The following QTMAN variants were observed in gnomAD, a reference collection of about 807,000 sequenced individuals.
QTMAN encodes the protein queuosine-tRNA mannosyltransferase.
chr2:144,195,309 A>G, the QTMAN span, among the ~76,000 whole-genome samples: 1 of 152,148 alleles, frequency 6.6e-6, no homozygotes, highest in Non-Finnish European at 1.5e-5. Context: ...GTATTTTTTA[A>G]TAATTCTAAG....
the QTMAN span, among the ~76,000 whole-genome samples, chr2:144,070,765 G>A: frequency 3.9e-5 from 6 of 152,084 alleles, no homozygotes; most frequent in East Asian, 5.8e-4. Context: ...AAAATTATAC[G>A]TTTCCAGTAT....
chr2:144,184,462 T>A, the QTMAN span, among the ~76,000 whole-genome samples: 1 of 152,106 alleles, frequency 6.6e-6, no homozygotes, highest in East Asian at 1.9e-4. Context: ...AACAAAAAAA[T>A]AAGGAGCTAT....
chr2:143,953,615 G>C, the QTMAN span, among the ~76,000 whole-genome samples: 1 of 151,836 alleles, frequency 6.6e-6, no homozygotes, highest in Non-Finnish European at 1.5e-5. Context: ...GGAAGGTATT[G>C]CATCTTCCTT....
the QTMAN span, among the ~76,000 whole-genome samples, chr2:144,287,451 A>G: frequency 6.6e-6 from 1 of 152,108 alleles, no homozygotes; most frequent in East Asian, 1.9e-4. Flanking sequence ...AAAAAAAAAA[A>G]AAACCTTATA....
the QTMAN span, among the ~76,000 whole-genome samples, chr2:144,136,981 A>G: frequency 6.6e-6 from 1 of 152,074 alleles, no homozygotes; most frequent in Non-Finnish European, 1.5e-5. Context: ...AGAAATGGGA[A>G]ATTTGGTCAA....
chr2:144,255,888 A>AACAAACACAC, the QTMAN span, among the ~76,000 whole-genome samples: 1 of 152,222 alleles, frequency 6.6e-6, no homozygotes, highest in Non-Finnish European at 1.5e-5. Flanking sequence ...CGTCTATTGT[A>AACAAACACAC]ACAAACACAC....
the QTMAN span, among the ~76,000 whole-genome samples, chr2:144,105,345 T>C: frequency 6.6e-6 from 1 of 152,062 alleles, no homozygotes; most frequent in Non-Finnish European, 1.5e-5. Flanking sequence ...GCAAAGAAGC[T>C]AAAAACTTGA....
the QTMAN span, among the ~76,000 whole-genome samples, chr2:144,321,115 T>C: frequency 6.6e-6 from 1 of 152,198 alleles, no homozygotes; most frequent in East Asian, 1.9e-4. Context: ...CACAACCAAG[T>C]AGTATCCAGA....
chr2:144,320,965 T>C, the QTMAN span, among the ~76,000 whole-genome samples: 10 of 152,346 alleles, frequency 6.6e-5, no homozygotes, highest in African/African-American at 2.4e-4. Flanking sequence ...GGCCTGTCTT[T>C]TTGTTATTTG....
chr2:144,058,052 G>C, the QTMAN span, among the ~76,000 whole-genome samples: 1 of 150,846 alleles, frequency 6.6e-6, no homozygotes, highest in East Asian at 2.0e-4. Context: ...AAAAGTCATT[G>C]CGAAGATTGC....
chr2:143,941,845 G>A, the QTMAN span: 2 of 152,204 alleles, frequency 1.3e-5, no homozygotes, highest in African/African-American at 4.8e-5. Flanking sequence ...ACTGCACTTG[G>A]TGCTTCCTGA....
At chr2:144,093,400 C>T in the QTMAN span, among the ~76,000 whole-genome samples, 1 of 152,298 alleles carries the variant, frequency 6.6e-6, no homozygotes, top group East Asian at 1.9e-4. Context: ...CCATGAAGGG[C>T]TGACATTTGC....
the QTMAN span, among the ~76,000 whole-genome samples, chr2:143,960,104 G>A: frequency 6.6e-6 from 1 of 152,128 alleles, no homozygotes; most frequent in African/African-American, 2.4e-5. Flanking sequence ...ATATCTTGAT[G>A]TGGATCATGG....
the QTMAN span, among the ~76,000 whole-genome samples, chr2:143,978,456 TC>T: frequency 1.3e-5 from 2 of 152,350 alleles, no homozygotes; most frequent in Admixed American, 6.5e-5. Flanking sequence ...CCAGGTTGTT[TC>T]TTTTCAGCAG....
the QTMAN span, among the ~76,000 whole-genome samples, chr2:144,301,783 C>G: frequency 1.3e-5 from 2 of 152,154 alleles, no homozygotes. Context: ...CCTCAAAGCA[C>G]TAATCAAGAC....
the QTMAN span, among the ~76,000 whole-genome samples, chr2:144,212,411 G>A: frequency 2.4e-4 from 36 of 152,194 alleles, no homozygotes; most frequent in Non-Finnish European, 4.4e-4. Flanking sequence ...GCAGTGAGCC[G>A]AGATGACACC....
At chr2:144,048,485 G>A in the QTMAN span, among the ~76,000 whole-genome samples, 1 of 152,136 alleles carries the variant, frequency 6.6e-6, no homozygotes, top group East Asian at 1.9e-4. Flanking sequence ...GTGGGGCTGT[G>A]TGGATGGTGA....
chr2:144,265,811 TCCTC>T, the QTMAN span, among the ~76,000 whole-genome samples: 14 of 152,202 alleles, frequency 9.2e-5, no homozygotes, highest in African/African-American at 3.4e-4. Context: ...ACTCACATCT[TCCTC>T]AGTTACTCAG....
the QTMAN span, among the ~76,000 whole-genome samples, chr2:144,089,768 G>A: frequency 4.9e-4 from 75 of 152,028 alleles, no homozygotes; most frequent in Non-Finnish European, 9.6e-4. Context: ...AGACTGGGAA[G>A]GGAGAGTGGG....
Sources: gnomAD v4.1 joint callset for allele counts (sites outside exome capture counted in the v4.1 genomes callset) on GRCh38, gnomAD v4.1.1 for gene constraint, MANE v1.5 for transcripts, NCBI Gene and HGNC (gene_info 2026-07-23, HGNC 2026-07-21) for gene names.